BACE2: variants seen among roughly 807,000 people sequenced by gnomAD.
BACE2 encodes the protein 56 kDa aspartic-like protease.
A neutral mutation model predicts 46.2 loss-of-function variants in BACE2; 17 were observed. The observed-to-expected ratio is 0.37, with a 90% CI of 0.25 to 0.55. The LOEUF (loss-of-function observed/expected upper bound fraction) is 0.55, where lower values mean the gene tolerates loss of function less well. BACE2 is among the 20% of genes least tolerant of loss of function. BACE2 has a pLI of 0.82. For missense variants in BACE2, 595 were observed against 698.1 expected, an observed-to-expected ratio of 0.85 and a Z score of 1.66; for synonymous variants, 277 against 295.9, an observed-to-expected ratio of 0.94 and a Z score of 0.66.
In BACE2 at chr21:41,188,918, G is replaced by A. The variant is rs543731545; in HGVS notation, c.312+20343G>A. On this transcript the variant is annotated intron_variant, in intron 1 of 8. Coordinates refer to ENST00000330333, the MANE Select transcript of BACE2 (RefSeq NM_012105.5). ...CACAGCCAATGGCACATTGGTTACCGTGGTTCCTTAGCCCTGTAATTGCAT... is the reference window on the plus strand; with the variant it reads ...CACAGCCAATGGCACATTGGTTACCATGGTTCCTTAGCCCTGTAATTGCAT... Among the ~76,000 whole-genome samples, 37 of 152,302 alleles carry A rather than the reference G, an allele frequency of 2.4e-4. No homozygotes were observed. In the East Asian group the frequency reaches 3.9e-3, roughly 16 times the overall value.
chr21:41,217,888 G>T (rs1221236271), intron 1 of BACE2, among the ~76,000 whole-genome samples: 2 of 152,186 alleles, frequency 1.3e-5, no homozygotes, highest in African/African-American at 4.8e-5. Flanking sequence ...CAGCCTGAGG[G>T]CTGCCAGCCC....
chr21:41,260,517 T>C (rs1203883540), intron 8 of BACE2, among the ~76,000 whole-genome samples: 1 of 152,178 alleles, frequency 6.6e-6, no homozygotes, highest in Admixed American at 6.5e-5. Flanking sequence ...CCATTGCTCA[T>C]GAGGCTGCAG....
intron 7 of BACE2, among the ~76,000 whole-genome samples, chr21:41,251,479 C>T (rs1174545689): frequency 6.6e-6 from 1 of 152,216 alleles, no homozygotes; most frequent in African/African-American, 2.4e-5. Context: ...CCACATCACC[C>T]TTATACATTT....
At chr21:41,224,357 G>T (rs1164282648) in intron 1 of BACE2, among the ~76,000 whole-genome samples, 1 of 151,986 alleles carries the variant, frequency 6.6e-6, no homozygotes. Flanking sequence ...TGGGACTGCA[G>T]GCGTGTGCCA....
At chr21:41,245,170 T>C (rs1305945045) in intron 5 of BACE2, among the ~76,000 whole-genome samples, 1 of 152,268 alleles carries the variant, frequency 6.6e-6, no homozygotes, top group Non-Finnish European at 1.5e-5. Context: ...AGAATACTAA[T>C]ACATTGGTAT....
chr21:41,268,270 A>G (rs1188197158), intron 8 of BACE2, among the ~76,000 whole-genome samples: 1 of 152,210 alleles, frequency 6.6e-6, no homozygotes, highest in Non-Finnish European at 1.5e-5. Context: ...CACAGCTTGT[A>G]TGTGGGAGCT....
chr21:41,223,431 G>T (rs141516844), intron 1 of BACE2, among the ~76,000 whole-genome samples: 1 of 152,056 alleles, frequency 6.6e-6, no homozygotes, highest in African/African-American at 2.4e-5. Context: ...TGTTGGTGGG[G>T]CCATGCATCC....
In BACE2 at chr21:41,193,386, A is replaced by G. The variant is rs1030057558; in HGVS notation, c.312+24811A>G. Among the ~76,000 whole-genome samples the G allele has an allele frequency of 6.6e-6, 1 of 152,186 alleles. No individual in the cohort carries two copies. The highest frequency in any genetic ancestry group is 2.4e-5 in the African/African-American group (1 of 41,454). ...TACAGCAGCTGCAATTGGAGTCACC[A>G]CTTGGTTAAGCTTACAGTAACCCAC... On this transcript the variant is annotated intron_variant, in intron 1 of 8. Transcript: ENST00000330333. The surrounding 1 kb of genome is among the most constrained non-coding windows in gnomAD (Gnocchi z 4.2).
chr21:41,199,835 C>T (rs2123526851), intron 1 of BACE2, among the ~76,000 whole-genome samples: 1 of 152,182 alleles, frequency 6.6e-6, no homozygotes, highest in East Asian at 1.9e-4. Flanking sequence ...TCCCTTGTGC[C>T]CCGCTCACAC....
At chr21:41,169,125 T>C (rs1051686781) in intron 1 of BACE2, among the ~76,000 whole-genome samples, 13 of 151,802 alleles carry the variant, frequency 8.6e-5, no homozygotes, top group African/African-American at 2.9e-4. Flanking sequence ...AAGAAGTGGC[T>C]CGCTTGCTGC....
intron 1 of BACE2, among the ~76,000 whole-genome samples, chr21:41,196,225 G>A (rs56354888): frequency 0.13 from 19,021 of 152,008 alleles, 1,530 homozygotes; most frequent in Non-Finnish European, 0.18. Flanking sequence ...TTGAACCTGG[G>A]AGGCAGAGGT....
chr21:41,262,673 GTCT>G (rs1987970429), intron 8 of BACE2, among the ~76,000 whole-genome samples: 1 of 151,992 alleles, frequency 6.6e-6, no homozygotes, highest in African/African-American at 2.4e-5. Flanking sequence ...ATTTATTTAG[GTCT>G]TCTTTTATGT....
chr21:41,227,852 T>C (rs1986863132), intron 2 of BACE2, among the ~76,000 whole-genome samples: 1 of 152,194 alleles, frequency 6.6e-6, no homozygotes, highest in Non-Finnish European at 1.5e-5. Context: ...TGGTTTACGA[T>C]GGCTTATGCT....
chr21:41,264,484 C>T (rs2123640404), intron 8 of BACE2, among the ~76,000 whole-genome samples: 1 of 151,986 alleles, frequency 6.6e-6, no homozygotes, highest in Non-Finnish European at 1.5e-5. Context: ...GCTCATGGTT[C>T]TGCAGGTTAT....
chr21:41,243,197 C>T (rs1233239365), intron 4 of BACE2, among the ~76,000 whole-genome samples, 179 bp from the exon 5 acceptor site: 1 of 152,344 alleles, frequency 6.6e-6, no homozygotes. Context: ...CAAGCGTGAG[C>T]CACCGCGCCT....
At chr21:41,208,506 T>C (rs1284520353) in intron 1 of BACE2, among the ~76,000 whole-genome samples, 3 of 152,104 alleles carry the variant, frequency 2.0e-5, no homozygotes, top group Non-Finnish European at 4.4e-5. Context: ...GGGGGAGGCC[T>C]GTGTGGTCCC....
chr21:41,186,101 AG>A (rs1472236437), intron 1 of BACE2: 1 of 152,264 alleles, frequency 6.6e-6, no homozygotes, highest in Non-Finnish European at 1.5e-5. Context: ...GCTTAGCCAA[AG>A]GCTTTTATTT....
intron 1 of BACE2, among the ~76,000 whole-genome samples, chr21:41,197,352 A>G (rs914194849): frequency 6.6e-6 from 1 of 151,416 alleles, no homozygotes; most frequent in African/African-American, 2.4e-5. Flanking sequence ...TCACAGTTCC[A>G]GATTTGCTGA....
chr21:41,266,275 G>A lies in BACE2; in HGVS notation c.1303+8949G>A, dbSNP rs1234131406. ...ACAGCTATGGTATAATCTTGTGCAC[G>A]TTGTTCTATTTTTCCATCACCGATG... On this transcript the variant is annotated intron_variant, in intron 8 of 8. Transcript: ENST00000330333. Among the ~76,000 whole-genome samples the A allele has an allele frequency of 3.3e-5, 5 of 152,094 alleles. 1 individual carries two copies. Among genetic ancestry groups the A allele is most frequent in the Non-Finnish European group, 7.4e-5 (5 of 68,018 alleles).
Sources: gnomAD v4.1 joint callset for allele counts (sites outside exome capture counted in the v4.1 genomes callset) on GRCh38, gnomAD v4.1.1 for gene constraint, Gnocchi (gnomAD v3.1) non-coding constraint, MANE v1.5 for transcripts, NCBI Gene and HGNC (gene_info 2026-07-23, HGNC 2026-07-21) for gene names.